The following CNTN5 variants were observed in gnomAD, a reference collection of about 807,000 sequenced individuals.
CNTN5 encodes contactin-5.
In CNTN5, 77 loss-of-function variants were observed where a neutral mutation model predicts 129.1. That is an observed-to-expected ratio of 0.60 (90% CI 0.50 to 0.72). The LOEUF is 0.72. Among genes scored for constraint, CNTN5 ranks in the 30% least tolerant of loss-of-function variants. The pLI is 0.00. For missense variants in CNTN5, 1,478 were observed against 1,328.8 expected, an observed-to-expected ratio of 1.11 and a Z score of -1.75; for synonymous variants, 509 against 465.6, an observed-to-expected ratio of 1.09 and a Z score of -1.20.
intron 3 of CNTN5, among the ~76,000 whole-genome samples, chr11:99,747,869 T>C (rs7118743): frequency 0.33 from 49,945 of 152,066 alleles, 10,236 homozygotes; most frequent in East Asian, 0.73. Context: ...GGCTTTATTA[T>C]GTTAAGGTGC....
chr11:99,759,127 G>A (rs576196061), intron 3 of CNTN5, among the ~76,000 whole-genome samples: 3 of 152,140 alleles, frequency 2.0e-5, no homozygotes, highest in South Asian at 2.1e-4. Flanking sequence ...CCATTATGCA[G>A]AAGAAAGAAG....
At chr11:100,316,036 A>G (rs903576690) in intron 21 of CNTN5, among the ~76,000 whole-genome samples, 5 of 152,218 alleles carry the variant, frequency 3.3e-5, no homozygotes, top group African/African-American at 9.6e-5. Context: ...TTTTGAATTT[A>G]TGAACCCACC....
chr11:99,084,885 C>T (rs574054045), intron 1 of CNTN5, among the ~76,000 whole-genome samples: 72 of 152,142 alleles, frequency 4.7e-4, no homozygotes, highest in Non-Finnish European at 9.1e-4. Context: ...ATTTTGATCA[C>T]GGCAGAACTT....
chr11:99,338,932 A>ATATATATATATG lies in CNTN5; in HGVS notation c.-71+13459_-71+13460insGTATATATATAT, dbSNP rs1555115012. Reference sequence around the variant, plus strand: ...TGTTCATTCACAGATATATATATATATATATATATATATATCTGTGATATA... The same window carrying ATATATATATATG: ...TGTTCATTCACAGATATATATATATATATATATATATGTATATATATATATATCTGTGATATA... On this transcript the variant is annotated intron_variant, in intron 2 of 24. Transcript: ENST00000524871. 1.9e-3 allele frequency among the ~76,000 whole-genome samples: 265 copies of ATATATATATATG among 142,954 alleles called. 3 individuals are homozygous for ATATATATATATG. The highest frequency in any genetic ancestry group is 3.2e-3 in the Non-Finnish European group (209 of 65,690). 93.8% of individuals were successfully genotyped at this position (142,954 alleles called of 152,430 possible).
intron 13 of CNTN5, among the ~76,000 whole-genome samples, chr11:100,118,123 G>A (rs988437498): frequency 2.6e-5 from 4 of 151,296 alleles, no homozygotes; most frequent in Non-Finnish European, 4.4e-5. Context: ...TCAAATCTAT[G>A]GTATGAGATA....
At chr11:99,470,837 T>C (rs2135273528) in intron 2 of CNTN5, among the ~76,000 whole-genome samples, 1 of 152,240 alleles carries the variant, frequency 6.6e-6, no homozygotes, top group East Asian at 1.9e-4. Flanking sequence ...ATTATAGCTA[T>C]ATTCTGATTA....
chr11:99,811,104 A>T (rs1368947335), intron 3 of CNTN5, among the ~76,000 whole-genome samples: 2 of 152,114 alleles, frequency 1.3e-5, no homozygotes, highest in Non-Finnish European at 2.9e-5. Context: ...TCATTTCATG[A>T]CTTGTGGGTG....
At chr11:99,449,169 G>A (rs554121817) in intron 2 of CNTN5, among the ~76,000 whole-genome samples, 2 of 152,154 alleles carry the variant, frequency 1.3e-5, no homozygotes, top group African/African-American at 2.4e-5. Flanking sequence ...AAAACTACTC[G>A]TTTCTTTAAG....
At chr11:99,115,495 A>C (rs1451131627) in intron 1 of CNTN5, among the ~76,000 whole-genome samples, 1 of 152,182 alleles carries the variant, frequency 6.6e-6, no homozygotes, top group Admixed American at 6.5e-5. Context: ...GCGGTGGCTC[A>C]TGCCTGTAAT....
At chr11:99,777,480 A>C (rs1361034783) in intron 3 of CNTN5, among the ~76,000 whole-genome samples, 3 of 151,918 alleles carry the variant, frequency 2.0e-5, no homozygotes, top group Non-Finnish European at 4.4e-5. Context: ...TCAATTTCAA[A>C]AATAACATGT....
At chr11:99,796,810 C>CT (rs1192133112) in intron 3 of CNTN5, among the ~76,000 whole-genome samples, 1 of 152,148 alleles carries the variant, frequency 6.6e-6, no homozygotes, top group Non-Finnish European at 1.5e-5. Flanking sequence ...GCCAAATCCT[C>CT]TGGGTGCTAC....
chr11:100,282,173 T>A (rs1325199957), intron 18 of CNTN5, among the ~76,000 whole-genome samples: 1 of 152,226 alleles, frequency 6.6e-6, no homozygotes, highest in African/African-American at 2.4e-5. Context: ...TGTCTGGCCA[T>A]TGAAGAGTTA....
intron 1 of CNTN5, among the ~76,000 whole-genome samples, chr11:99,146,648 T>TATA (rs763207624): frequency 9.1e-4 from 139 of 152,328 alleles, no homozygotes; most frequent in Non-Finnish European, 1.7e-3. Flanking sequence ...AATACTTTAT[T>TATA]ATTTTCTGTA....
chr11:99,768,505 A>T (rs574029082), intron 3 of CNTN5, among the ~76,000 whole-genome samples: 1 of 152,088 alleles, frequency 6.6e-6, no homozygotes, highest in African/African-American at 2.4e-5. Context: ...ATTGCCATTG[A>T]TACTTTATCT....
chr11:100,142,779 A>C (rs945477746), intron 13 of CNTN5, among the ~76,000 whole-genome samples: 5 of 152,040 alleles, frequency 3.3e-5, no homozygotes, highest in African/African-American at 1.2e-4. Flanking sequence ...ACTGTAAAGT[A>C]CTTATATGTG....
intron 2 of CNTN5, among the ~76,000 whole-genome samples, chr11:99,373,585 T>C (rs997582222): frequency 2.0e-5 from 3 of 151,824 alleles, no homozygotes; most frequent in Non-Finnish European, 2.9e-5. Context: ...TGGTGATGCA[T>C]GCCTGTGATC....
At chr11:100,263,059 A>G (rs1025596967) in intron 17 of CNTN5, among the ~76,000 whole-genome samples, 2 of 152,156 alleles carry the variant, frequency 1.3e-5, no homozygotes, top group African/African-American at 4.8e-5. Context: ...TTTTCTTTTC[A>G]TTTTACAACT....
chr11:100,022,109 C>A (rs1433313587), intron 9 of CNTN5, among the ~76,000 whole-genome samples: 1 of 152,168 alleles, frequency 6.6e-6, no homozygotes, highest in Admixed American at 6.6e-5. Flanking sequence ...CTTCTGGCAA[C>A]ACCCAGAAAC....
At chr11:100,247,219 T>C (rs1160633146) in intron 16 of CNTN5, among the ~76,000 whole-genome samples, 1 of 152,082 alleles carries the variant, frequency 6.6e-6, no homozygotes, top group Non-Finnish European at 1.5e-5. Flanking sequence ...TGCCGAGGAA[T>C]CAGGTTATGT....
Sources: gnomAD v4.1 joint callset for allele counts (sites outside exome capture counted in the v4.1 genomes callset) on GRCh38, gnomAD v4.1.1 for gene constraint, MANE v1.5 for transcripts, NCBI Gene and HGNC (gene_info 2026-07-23, HGNC 2026-07-21) for gene names.